The following NTRK3 variants were observed in gnomAD, a reference collection of about 807,000 sequenced individuals.
NTRK3 encodes neurotrophic receptor tyrosine kinase 3, also known as NT-3 growth factor receptor.
Under a neutral mutation model 91.7 loss-of-function variants are expected in NTRK3, and 24 were observed. The observed-to-expected ratio is 0.26, with a 90% CI of 0.19 to 0.37. NTRK3 has a LOEUF of 0.37. Ranked by LOEUF, NTRK3 falls within the 10% of genes least tolerant of loss-of-function variation. The pLI is 1.00. For synonymous variants in NTRK3, 483 were observed against 404.0 expected, an observed-to-expected ratio of 1.20 and a Z score of -2.34; for missense variants, 880 against 1,068.9, an observed-to-expected ratio of 0.82 and a Z score of 2.46.
intron 14 of NTRK3, among the ~76,000 whole-genome samples, chr15:87,973,742 C>T (rs2073458962): frequency 6.6e-6 from 1 of 152,132 alleles, no homozygotes; most frequent in African/African-American, 2.4e-5. Context: ...TTGTTCTCCA[C>T]CTTCCTCCCG....
intron 13 of NTRK3, among the ~76,000 whole-genome samples, chr15:88,095,398 T>C (rs1449584289): frequency 1.3e-5 from 2 of 152,146 alleles, no homozygotes; most frequent in African/African-American, 4.8e-5. Context: ...CTAGAGTTTC[T>C]GGGGCTGATC....
intron 13 of NTRK3, among the ~76,000 whole-genome samples, chr15:88,091,137 T>A (rs541107440): frequency 6.6e-6 from 1 of 152,106 alleles, no homozygotes; most frequent in East Asian, 1.9e-4. Flanking sequence ...CATGCTAAAT[T>A]GGGAACCCGT....
chr15:88,126,116 G>T (rs2053258469), intron 13 of NTRK3, among the ~76,000 whole-genome samples, 155 bp downstream of exon 13: 1 of 152,106 alleles, frequency 6.6e-6, no homozygotes, highest in African/African-American at 2.4e-5. Context: ...TAATTACCAA[G>T]AACAAGCGGC....
chr15:88,144,140 G>A (rs1224305682), intron 6 of NTRK3: 2 of 152,056 alleles, frequency 1.3e-5, no homozygotes, highest in East Asian at 3.8e-4. Context: ...TGGACAGACA[G>A]GTCTCATCTT....
intron 17 of NTRK3, among the ~76,000 whole-genome samples, chr15:87,887,548 A>T (rs951286373): frequency 2.6e-5 from 4 of 152,198 alleles, no homozygotes; most frequent in African/African-American, 9.7e-5. Context: ...GTGTCTTTAT[A>T]TGCTACTGTG....
intron 14 of NTRK3, among the ~76,000 whole-genome samples, chr15:87,951,916 C>G (rs958954452): frequency 1.3e-5 from 2 of 152,130 alleles, no homozygotes; most frequent in African/African-American, 4.8e-5. Flanking sequence ...CACCTGAGGT[C>G]AGGAGTTTGA....
chr15:87,978,573 C>T (rs1041259182), intron 14 of NTRK3: 4 of 229,852 alleles, frequency 1.7e-5, no homozygotes, highest in Non-Finnish European at 3.4e-5. Flanking sequence ...CAAAGCTTGT[C>T]GGAACTGCAG....
exon 5 of NTRK3, chr15:88,183,436 T>C (rs761119703): frequency 1.9e-6 from 3 of 1,613,710 alleles, no homozygotes; most frequent in African/African-American, 2.7e-5. Flanking sequence ...CAAATGGGGG[T>C]TCTTGGCAAA....
chr15:87,971,373 G>A (rs1272850957), intron 14 of NTRK3, among the ~76,000 whole-genome samples: 1 of 152,240 alleles, frequency 6.6e-6, no homozygotes, highest in Non-Finnish European at 1.5e-5. Flanking sequence ...GGAACTAGCA[G>A]TCTTGACAGA....
Position 87,877,570 on chromosome 15 carries a change from A to G in NTRK3, c.2293-450T>C, listed in dbSNP as rs113608353. ...GAGCTCTGCACCCTCTGGCCCCTGC[A>G]TGCCTATCTCCTCTTATCTCTCATT... On this transcript the variant is annotated intron_variant, in intron 18 of 18. Transcript: ENST00000394480. Among the ~76,000 whole-genome samples, 1,037 of 152,074 alleles carry G rather than the reference A, an allele frequency of 6.8e-3. 13 individuals are homozygous for G. Among genetic ancestry groups the G allele is most frequent in the Middle Eastern group, 0.024 (7 of 294 alleles).
At chr15:88,183,672 C>G (rs897473431) in intron 4 of NTRK3, among the ~76,000 whole-genome samples, 183 bp from the exon 5 acceptor site, 7 of 152,212 alleles carry the variant, frequency 4.6e-5, no homozygotes, top group African/African-American at 1.7e-4. Context: ...GGCACCTGGG[C>G]TCACACGCCC....
chr15:87,868,848 C>T, exon 19 of NTRK3: 1 of 222,408 alleles, frequency 4.5e-6, no homozygotes, highest in Admixed American at 5.8e-5. Context: ...GCTGTGGCTG[C>T]CTCTCTTGTA....
chr15:88,053,104 G>A (rs2045372637), intron 13 of NTRK3, among the ~76,000 whole-genome samples: 2 of 152,178 alleles, frequency 1.3e-5, no homozygotes, highest in Non-Finnish European at 2.9e-5. Context: ...ACAAAACAAA[G>A]CCCTTGTTTG....
At chr15:88,042,428 C>T (rs1347120897) in intron 13 of NTRK3, among the ~76,000 whole-genome samples, 3 of 152,192 alleles carry the variant, frequency 2.0e-5, no homozygotes, top group Non-Finnish European at 4.4e-5. Context: ...TCTCTGCCTC[C>T]TCCGGCTTCC....
At chr15:87,872,593 C>A (rs1019670335) in exon 19 of NTRK3, 50 of 231,228 alleles carry the variant, frequency 2.2e-4, no homozygotes, top group Non-Finnish European at 3.9e-4. Flanking sequence ...CTGAGGGGAA[C>A]AGCCTGGTGA....
At chr15:88,182,762 C>T (rs1218311062) in intron 5 of NTRK3, among the ~76,000 whole-genome samples, 1 of 152,188 alleles carries the variant, frequency 6.6e-6, no homozygotes, top group Non-Finnish European at 1.5e-5. Context: ...CAAAGTTTAT[C>T]AGCCCAGAAC....
At chr15:88,080,077 GA>G (rs1211529292) in intron 13 of NTRK3, among the ~76,000 whole-genome samples, 3 of 152,086 alleles carry the variant, frequency 2.0e-5, no homozygotes, top group Admixed American at 6.5e-5. Flanking sequence ...TTATTTGAAT[GA>G]ACCATGATTT....
intron 13 of NTRK3, among the ~76,000 whole-genome samples, chr15:88,116,833 A>G (rs556014741): frequency 6.6e-6 from 1 of 152,352 alleles, no homozygotes; most frequent in Admixed American, 6.5e-5. Flanking sequence ...AAACCCCAGC[A>G]ATCATTCAGG....
chr15:88,055,914 G>A (rs2045631782), intron 13 of NTRK3, among the ~76,000 whole-genome samples: 1 of 152,054 alleles, frequency 6.6e-6, no homozygotes, highest in South Asian at 2.1e-4. Context: ...AGACTGAAAG[G>A]GACTTCTATC....
Sources: gnomAD v4.1 joint callset for allele counts (sites outside exome capture counted in the v4.1 genomes callset) on GRCh38, gnomAD v4.1.1 for gene constraint, MANE v1.5 for transcripts, NCBI Gene and HGNC (gene_info 2026-07-23, HGNC 2026-07-21) for gene names.